REV3L: variants seen among roughly 807,000 people sequenced by gnomAD.
The protein encoded by REV3L is DNA polymerase zeta catalytic subunit.
REV3L carries 69 observed loss-of-function variants against 299.4 expected under a neutral mutation model. The ratio of observed to expected loss-of-function variants is 0.23; its 90% CI spans 0.19 to 0.28. The LOEUF is 0.28. Among genes scored for constraint, REV3L ranks in the 10% least tolerant of loss-of-function variants. The pLI is 1.00. For missense variants in REV3L, 3,128 were observed against 3,693.8 expected (o/e 0.85, Z 3.97); for synonymous variants, 1,238 against 1,271.4 (o/e 0.97, Z 0.56).
Position 111,331,705 on chromosome 6 carries a change from C to A in REV3L, c.8005G>T (p.Val2669Leu). The A allele has an allele frequency of 6.2e-7, 1 of 1,613,104 alleles. No homozygotes were observed. The highest frequency in any genetic ancestry group is 2.2e-5 in the East Asian group (1 of 44,752). The change falls in exon 24 of 32, where the codon GTG (valine) becomes TTG (leucine). Residue 2669 changes from valine to leucine, a missense_variant. By Grantham distance (32) the Val-to-Leu change is conservative. This residue lies in a region of REV3L where 149 missense variants were observed against 286.4 expected (regional missense o/e 0.52). Transcript: ENST00000368802. ...LLYQVRHDITVSPNGVAFVKP... is the reference protein window; with the variant it reads ...LLYQVRHDITLSPNGVAFVKP... ...ACAAAAGCTACTCCATTGGGGGACA[C>A]TGTGATATCATGCCTAACTTGGTAA...
intron 21 of REV3L, among the ~76,000 whole-genome samples, chr6:111,342,502 A>G (rs978237954): frequency 1.3e-5 from 2 of 152,134 alleles, no homozygotes; most frequent in African/African-American, 4.8e-5. Flanking sequence ...CCCCGTCTCT[A>G]CTAAAAATAC....
chr6:111,343,540 T>A (rs1273618702), intron 21 of REV3L, among the ~76,000 whole-genome samples: 1 of 152,230 alleles, frequency 6.6e-6, no homozygotes, highest in Non-Finnish European at 1.5e-5. Flanking sequence ...TTTATTTATA[T>A]ATTTTTTGAG....
At chr6:111,313,609 G>A in intron 27 of REV3L, 120 bp from the exon 28 acceptor site, 3 of 1,004,218 alleles carry the variant, frequency 3.0e-6, no homozygotes, top group Non-Finnish European at 4.2e-6. Flanking sequence ...TTCTATATAT[G>A]ACTTTGGGCC....
intron 1 of REV3L, among the ~76,000 whole-genome samples, chr6:111,481,354 T>G (rs1469516456): frequency 6.6e-6 from 1 of 152,202 alleles, no homozygotes; most frequent in African/African-American, 2.4e-5. Context: ...GAACACTTCA[T>G]CGCCTCGATT....
chr6:111,367,148 G>C lies in REV3L; in HGVS notation c.6640C>G (p.Pro2214Ala). ...AATGGGCTAAGGCCAGGTGCTTCAG[G>C]AAGCCTTTCCAGAAGTTTTCTCTGT... is the stretch of plus-strand genomic sequence containing the variant. Reference protein sequence around the residue: ...IIQRKLLERLPEAPGLSPLST... With the variant: ...IIQRKLLERLAEAPGLSPLST... Residue 2214 changes from proline (P) to alanine (A), a missense_variant, in exon 14 of 32, where the codon CCT becomes GCT. This residue lies in a region of REV3L where 2,409 missense variants were observed against 2,611.8 expected (regional missense o/e 0.92). Coordinates refer to ENST00000368802, the MANE Select transcript of REV3L (RefSeq NM_001372078.1). 4 of 1,605,572 alleles carry C rather than the reference G, an allele frequency of 2.5e-6. No homozygotes were observed. Among genetic ancestry groups the C allele is most frequent in the Non-Finnish European group, 3.4e-6 (4 of 1,177,172 alleles).
At chr6:111,448,369 C>T (rs1789108283) in intron 1 of REV3L, among the ~76,000 whole-genome samples, 2 of 151,650 alleles carry the variant, frequency 1.3e-5, no homozygotes, top group South Asian at 2.1e-4. Flanking sequence ...GACAAGGTCT[C>T]GCTCTGTTGC....
intron 3 of REV3L, among the ~76,000 whole-genome samples, chr6:111,409,677 A>C (rs1173826515): frequency 2.6e-5 from 4 of 152,196 alleles, no homozygotes; most frequent in Non-Finnish European, 5.9e-5. Flanking sequence ...AATAGTAAAG[A>C]GACAATTAAC....
At chr6:111,412,690 A>G (rs955074375) in intron 2 of REV3L, among the ~76,000 whole-genome samples, 3 of 151,906 alleles carry the variant, frequency 2.0e-5, no homozygotes, top group African/African-American at 7.2e-5. Context: ...CTAATTTGGT[A>G]GCAGAGACAT....
At chr6:111,383,350 C>T (rs1299443756) in intron 9 of REV3L, among the ~76,000 whole-genome samples, 1 of 152,148 alleles carries the variant, frequency 6.6e-6, no homozygotes, top group Non-Finnish European at 1.5e-5. Flanking sequence ...TCCTTATCTG[C>T]CGATGGTATG....
intron 28 of REV3L, chr6:111,313,113 G>C (rs759855367): frequency 3.9e-5 from 13 of 330,322 alleles, no homozygotes; most frequent in Non-Finnish European, 6.5e-5. Flanking sequence ...CAGTGAGCCA[G>C]GATTGGACTA....
intron 3 of REV3L, among the ~76,000 whole-genome samples, chr6:111,407,071 C>T (rs1783718975): frequency 6.6e-6 from 1 of 152,176 alleles, no homozygotes; most frequent in Admixed American, 6.5e-5. Flanking sequence ...GATGGCGCCA[C>T]TGCATGCCAT....
Position 111,307,498 on chromosome 6 carries a change from T to C in REV3L, c.9115A>G (p.Thr3039Ala). 1.2e-6 allele frequency: 2 copies of C among 1,614,184 alleles called. No homozygotes were observed. The highest frequency in any genetic ancestry group is 1.7e-6 in the Non-Finnish European group (2 of 1,180,036). ...TCATCACACACAGGACAGTGTAAGG[T>C]AGTAAAATATTGTGAAATAGTGCCT... ...RKGTISQYFT[T>A]LHCPVCDDLT... The change falls in exon 31 of 32, where the codon ACC becomes GCC. Residue 3039 changes from threonine to alanine, a missense_variant. Thr to Ala is a moderately conservative substitution (Grantham distance 58, BLOSUM62 0). Around this residue, in one of 9 missense-constraint regions of REV3L, gnomAD observed 294 missense variants for 377.0 expected, o/e 0.78. Transcript: ENST00000368802.
chr6:111,325,124 G>C (rs1774635602), intron 25 of REV3L, among the ~76,000 whole-genome samples: 1 of 152,176 alleles, frequency 6.6e-6, no homozygotes, highest in Non-Finnish European at 1.5e-5. Context: ...GCCTCCCAAA[G>C]TGCTGGGATT....
At chr6:111,306,316 G>A (rs1772288642) in intron 31 of REV3L, among the ~76,000 whole-genome samples, 1 of 152,158 alleles carries the variant, frequency 6.6e-6, no homozygotes, top group African/African-American at 2.4e-5. Context: ...GGAGGAGGCG[G>A]CGAGGGGCAT....
chr6:111,328,447 T>A (rs1039701516), intron 25 of REV3L, among the ~76,000 whole-genome samples: 1 of 152,274 alleles, frequency 6.6e-6, no homozygotes, highest in South Asian at 2.1e-4. Flanking sequence ...TCAGATCTCT[T>A]GTCAATACAT....
In REV3L at chr6:111,482,977, G is replaced by A. The variant is rs1407245108; in HGVS notation, c.-89C>T. ...CGGCTCCCTCCGCAGCGGCGGCGGC[G>A]CCCCCTCCCCTTCTCGGCACGGCCC... On this transcript the variant is annotated 5_prime_UTR_variant, in exon 1 of 32. Transcript: ENST00000368802. 5 of 1,386,562 alleles carry A rather than the reference G, an allele frequency of 3.6e-6. No individual in the cohort carries two copies. Among genetic ancestry groups the A allele is most frequent in the Non-Finnish European group, 3.8e-6 (4 of 1,066,634 alleles). The allele number at this position is 1,386,562 out of a possible 1,614,324, so 85.9% of individuals were successfully genotyped here. A position where few individuals can be genotyped will look rare whatever the true frequency, so the allele number is the denominator to read the frequency against.
intron 1 of REV3L, among the ~76,000 whole-genome samples, chr6:111,455,176 T>C (rs1023324347): frequency 2.0e-5 from 3 of 152,132 alleles, no homozygotes; most frequent in Non-Finnish European, 2.9e-5. Context: ...CTAAGGGTAG[T>C]TGGGAGAGGC....
chr6:111,398,882 T>C (rs1024582882), intron 4 of REV3L, among the ~76,000 whole-genome samples: 2 of 152,174 alleles, frequency 1.3e-5, no homozygotes, highest in Admixed American at 6.5e-5. Flanking sequence ...CATACTGCAA[T>C]TTCCCTGTTT....
intron 31 of REV3L, among the ~76,000 whole-genome samples, chr6:111,301,670 G>A (rs1464884190): frequency 6.6e-6 from 1 of 152,124 alleles, no homozygotes; most frequent in Non-Finnish European, 1.5e-5. Flanking sequence ...TACTTCTTAA[G>A]GCTTCCCAGA....
Sources: allele counts gnomAD v4.1 joint callset (sites outside exome capture counted in the v4.1 genomes callset), GRCh38; gene constraint gnomAD v4.1.1; regional missense constraint gnomAD v4.1.1; transcripts MANE v1.5; gene names NCBI Gene and HGNC (gene_info 2026-07-23, HGNC 2026-07-21).